The following DMRT1 variants were observed in gnomAD, a reference collection of about 807,000 sequenced individuals.
The protein encoded by DMRT1 is doublesex- and mab-3-related transcription factor 1.
A neutral mutation model predicts 32.3 loss-of-function variants in DMRT1; 7 were observed. That is an observed-to-expected ratio of 0.22 (90% CI 0.12 to 0.41). DMRT1 has a LOEUF of 0.41. Ranked by LOEUF, DMRT1 falls within the 10% of genes least tolerant of loss-of-function variation. DMRT1 has a pLI of 1.00. For missense variants in DMRT1, 625 were observed against 500.5 expected (o/e 1.25, Z -2.37); for synonymous variants, 278 against 206.1 (o/e 1.35, Z -2.99).
chr9:842,236 T>TG (rs781310087), intron 1 of DMRT1, 44 bp downstream of exon 1: 4 of 1,483,224 alleles, frequency 2.7e-6, no homozygotes, highest in African/African-American at 3.0e-5. Flanking sequence ...CTTAGTTTTT[T>TG]TTTTTTTTTT....
At chr9:870,815 G>T (rs756927610) in intron 2 of DMRT1, among the ~76,000 whole-genome samples, 7 of 149,132 alleles carry the variant, frequency 4.7e-5, no homozygotes, top group Non-Finnish European at 7.4e-5. Context: ...GGGCTCAGGT[G>T]ATTCTCCAAC....
At chr9:881,918 T>C (rs1297416956) in intron 2 of DMRT1, among the ~76,000 whole-genome samples, 2 of 152,212 alleles carry the variant, frequency 1.3e-5, no homozygotes, top group African/African-American at 2.4e-5. Context: ...ATCTTGCCAA[T>C]GGTAGGACAT....
At chr9:925,563 A>G (rs540458301) in intron 4 of DMRT1, among the ~76,000 whole-genome samples, 1 of 152,330 alleles carries the variant, frequency 6.6e-6, no homozygotes, top group Admixed American at 6.5e-5. Flanking sequence ...GCTAGTGTTT[A>G]AGAGGAGGAG....
intron 4 of DMRT1, among the ~76,000 whole-genome samples, chr9:947,576 T>A (rs1049826239): frequency 6.6e-6 from 1 of 152,216 alleles, no homozygotes; most frequent in Non-Finnish European, 1.5e-5. Flanking sequence ...AATGATAGAA[T>A]TTAAATTCTG....
intron 4 of DMRT1, among the ~76,000 whole-genome samples, chr9:938,780 C>T (rs1486102814): frequency 2.0e-5 from 3 of 152,132 alleles, no homozygotes; most frequent in Non-Finnish European, 4.4e-5. Flanking sequence ...TTGTATTGAA[C>T]AGAGGTGGCA....
At position 947,614 on chromosome 9, in the gene DMRT1, C is replaced by G. The variant is rs531595205; in HGVS notation, c.968-20371C>G. Among the ~76,000 whole-genome samples, 435 of 152,160 alleles carry G rather than the reference C, an allele frequency of 2.9e-3. 1 individual carries two copies. Among genetic ancestry groups the G allele is most frequent in the Non-Finnish European group, 4.4e-3 (298 of 67,996 alleles). ...AGTTGGAGGTCACGGAGCTCAACCC[C>G]TTCACTTTATTTTTATTTTATTTTT... On this transcript the variant is annotated intron_variant, in intron 4 of 4. Coordinates refer to ENST00000382276, the MANE Select transcript of DMRT1 (RefSeq NM_021951.3).
At position 841,827 on chromosome 9, in the gene DMRT1, C is replaced by T; in HGVS notation, c.-12C>T. On this transcript the variant is annotated 5_prime_UTR_variant, in exon 1 of 5. Transcript: ENST00000382276. ...AGGGGGCCAGAGTGCTCGCACTTCT[C>T]CTAGGGGCACCATGCCCAACGACGA... is the stretch of plus-strand genomic sequence containing the variant. 3 of 1,606,070 alleles carry T rather than the reference C, an allele frequency of 1.9e-6. No homozygotes were observed. The highest frequency in any genetic ancestry group is 1.7e-4 in the Middle Eastern group (1 of 5,764).
At chr9:928,365 G>C (rs74995721) in intron 4 of DMRT1, among the ~76,000 whole-genome samples, 5,070 of 152,218 alleles carry the variant, frequency 0.033, 300 homozygotes, top group African/African-American at 0.12. Flanking sequence ...GCTTTACATT[G>C]AATCCAGGGT....
Position 842,191 on chromosome 9 carries a change from A to AGGTG in DMRT1, c.354+4_354+7dup. ...GAGAGGCAGCGCGTGATGGCCGCGCAGGTGGGTGCGGGCGTGCGGGAGCCC... is the reference window on the plus strand; with the variant it reads ...GAGAGGCAGCGCGTGATGGCCGCGCAGGTGGGTGGGTGCGGGCGTGCGGGAGCCC... On this transcript the variant is annotated frameshift_variant and splice_region_variant, in exon 1 of 5. Coordinates refer to ENST00000382276, the MANE Select transcript of DMRT1 (RefSeq NM_021951.3). LOFTEE classifies it high-confidence loss of function. 6.5e-7 allele frequency: 1 copy of AGGTG among 1,528,754 alleles called. No individual in the cohort carries two copies. The highest frequency in any genetic ancestry group is 8.7e-7 in the Non-Finnish European group (1 of 1,143,708). The allele number at this position is 1,528,754 out of a possible 1,614,324, so 94.7% of individuals were successfully genotyped here.
At chr9:873,691 T>G (rs764115461) in intron 2 of DMRT1, among the ~76,000 whole-genome samples, 3 of 152,152 alleles carry the variant, frequency 2.0e-5, no homozygotes, top group Non-Finnish European at 2.9e-5. Flanking sequence ...GGGAAACCCT[T>G]TAGCTAGGCA....
intron 3 of DMRT1, among the ~76,000 whole-genome samples, chr9:902,010 A>G (rs1054600940): frequency 6.7e-6 from 1 of 150,066 alleles, no homozygotes; most frequent in Non-Finnish European, 1.5e-5. Flanking sequence ...CCCTAGTTCA[A>G]GCGGTTCTCC....
intron 2 of DMRT1, among the ~76,000 whole-genome samples, chr9:888,694 G>C (rs1817027623): frequency 7.0e-6 from 1 of 143,216 alleles, no homozygotes; most frequent in Non-Finnish European, 1.5e-5. Context: ...ATAGCGTGTG[G>C]AGCAGTTGTT....
intron 4 of DMRT1, among the ~76,000 whole-genome samples, chr9:960,160 C>T (rs1410102963): frequency 2.0e-5 from 3 of 152,122 alleles, no homozygotes; most frequent in Non-Finnish European, 4.4e-5. Flanking sequence ...GGTTAAGTGT[C>T]ACTGAAGGCC....
intron 2 of DMRT1, among the ~76,000 whole-genome samples, chr9:873,806 G>A (rs903416065): frequency 1.3e-5 from 2 of 152,132 alleles, no homozygotes; most frequent in African/African-American, 4.8e-5. Flanking sequence ...AGAGACTAAG[G>A]CTAAAGATGA....
chr9:880,036 T>G (rs1465534960), intron 2 of DMRT1, among the ~76,000 whole-genome samples: 4 of 152,224 alleles, frequency 2.6e-5, no homozygotes, highest in Non-Finnish European at 5.9e-5. Flanking sequence ...AAACTCAAAT[T>G]TCGGCAATAA....
chr9:948,571 C>T (rs1222802283), intron 4 of DMRT1, among the ~76,000 whole-genome samples: 8 of 152,044 alleles, frequency 5.3e-5, no homozygotes, highest in East Asian at 3.9e-4. Flanking sequence ...CCTTCCCCTG[C>T]GCTCTGCTGT....
In DMRT1 at chr9:922,297, C is replaced by G. The variant is rs556357172; in HGVS notation, c.967+5390C>G. On this transcript the variant is annotated intron_variant, in intron 4 of 4. Coordinates refer to ENST00000382276, the MANE Select transcript of DMRT1 (RefSeq NM_021951.3). ...TTTAAAGCAGGCCTCTCCTGCTCCA[C>G]AGACTGTTTGAAGATCACTTGTCTA... Among the ~76,000 whole-genome samples the G allele has an allele frequency of 6.6e-5, 10 of 152,278 alleles. No homozygotes were observed. In the South Asian group the frequency reaches 2.1e-3, roughly 32 times the overall value.
At chr9:870,021 G>A (rs966985039) in intron 2 of DMRT1, among the ~76,000 whole-genome samples, 1 of 152,146 alleles carries the variant, frequency 6.6e-6, no homozygotes, top group African/African-American at 2.4e-5. Context: ...TGTATTGAAC[G>A]AATAAGTTTC....
intron 3 of DMRT1, among the ~76,000 whole-genome samples, chr9:901,910 C>CT (rs1564237480): frequency 2.0e-5 from 2 of 98,428 alleles, no homozygotes; most frequent in Admixed American, 2.6e-4. Context: ...TGAAACTAGC[C>CT]CTTTTTTTTT....
Sources: gnomAD v4.1 joint callset for allele counts (sites outside exome capture counted in the v4.1 genomes callset) on GRCh38, gnomAD v4.1.1 for gene constraint, MANE v1.5 for transcripts, NCBI Gene and HGNC (gene_info 2026-07-23, HGNC 2026-07-21) for gene names.